The following SLIT3 variants were observed in gnomAD, a reference collection of about 807,000 sequenced individuals.
SLIT3 encodes slit homolog 3 protein.
SLIT3 carries 68 observed loss-of-function variants against 184.0 expected under a neutral mutation model. The ratio of observed to expected loss-of-function variants is 0.37; its 90% CI spans 0.30 to 0.45. SLIT3 has a LOEUF of 0.45. SLIT3 is among the 20% of genes least tolerant of loss of function. SLIT3 has a pLI of 1.00. For synonymous variants in SLIT3, 831 were observed against 828.6 expected, an observed-to-expected ratio of 1.00 and a Z score of -0.05; for missense variants, 1,707 against 2,026.0, an observed-to-expected ratio of 0.84 and a Z score of 3.02.
At chr5:168,775,598 C>T (rs1241852034) in intron 12 of SLIT3, among the ~76,000 whole-genome samples, 1 of 152,188 alleles carries the variant, frequency 6.6e-6, no homozygotes, top group Non-Finnish European at 1.5e-5. Flanking sequence ...TGGCCTTCCA[C>T]ACAGGATTAG....
chr5:169,167,199 C>CA (rs11385125), intron 4 of SLIT3, among the ~76,000 whole-genome samples: 8,367 of 146,628 alleles, frequency 0.057, 421 homozygotes, highest in African/African-American at 0.13. Flanking sequence ...CAAAACAAAA[C>CA]AAAAAAAACC....
intron 4 of SLIT3, among the ~76,000 whole-genome samples, chr5:169,019,172 C>T (rs1216316592): frequency 3.9e-5 from 6 of 152,242 alleles, no homozygotes; most frequent in Admixed American, 3.3e-4. Flanking sequence ...TGGGTCAACT[C>T]ATTCCACAAG....
At chr5:168,703,693 C>T (rs1313392863) in intron 26 of SLIT3, among the ~76,000 whole-genome samples, 1 of 152,040 alleles carries the variant, frequency 6.6e-6, no homozygotes, top group Non-Finnish European at 1.5e-5. Flanking sequence ...GTGCCTCACG[C>T]CTATAATCCC....
chr5:168,913,066 C>G (rs545210660), intron 4 of SLIT3, among the ~76,000 whole-genome samples: 27 of 152,324 alleles, frequency 1.8e-4, no homozygotes, highest in South Asian at 1.0e-3. Flanking sequence ...TTATTTTTGG[C>G]CTTTTCTCCA....
intron 4 of SLIT3, among the ~76,000 whole-genome samples, chr5:169,187,806 G>A (rs562159762): frequency 2.0e-5 from 3 of 151,766 alleles, no homozygotes; most frequent in East Asian, 1.9e-4. Context: ...AGCCCGCCTC[G>A]GCTTCCCAAA....
At chr5:168,953,662 T>TGCAGAGCCCAGTGCCTG (rs543361963) in intron 4 of SLIT3, among the ~76,000 whole-genome samples, 3 of 152,172 alleles carry the variant, frequency 2.0e-5, no homozygotes, top group Non-Finnish European at 2.9e-5. Flanking sequence ...TTACCACTGC[T>TGCAGAGCCCAGTGCCTG]GCAGAGCCCA....
intron 4 of SLIT3, among the ~76,000 whole-genome samples, chr5:169,155,859 G>A (rs770800718): frequency 1.6e-4 from 24 of 152,190 alleles, no homozygotes; most frequent in Non-Finnish European, 2.8e-4. Context: ...TCTGTTCAAC[G>A]TATGAACTGC....
intron 4 of SLIT3, among the ~76,000 whole-genome samples, chr5:169,003,649 C>T (rs539556230): frequency 2.7e-4 from 41 of 152,312 alleles, no homozygotes; most frequent in Middle Eastern, 3.4e-3. Context: ...TTTCGTCTCA[C>T]CCATGGCCTG....
intron 2 of SLIT3, among the ~76,000 whole-genome samples, chr5:169,249,090 A>C (rs1765690419): frequency 6.6e-6 from 1 of 152,230 alleles, no homozygotes; most frequent in Admixed American, 6.5e-5. Context: ...TTTTTAAAAA[A>C]GATAGTTGTC....
intron 4 of SLIT3, among the ~76,000 whole-genome samples, chr5:169,020,772 G>A (rs1019262652): frequency 6.6e-6 from 1 of 152,174 alleles, no homozygotes; most frequent in African/African-American, 2.4e-5. Context: ...AGAGAAACAC[G>A]CAGAACCAGA....
chr5:168,925,148 C>T (rs1026161110), intron 4 of SLIT3, among the ~76,000 whole-genome samples: 2 of 152,274 alleles, frequency 1.3e-5, no homozygotes, highest in Admixed American at 1.3e-4. Flanking sequence ...AGCAGGAAGT[C>T]CAACAATTTG....
intron 4 of SLIT3, among the ~76,000 whole-genome samples, chr5:169,137,386 G>A (rs893900695): frequency 6.8e-6 from 1 of 146,586 alleles, no homozygotes; most frequent in Non-Finnish European, 1.5e-5. Context: ...GGAAGCAGGG[G>A]AAGGGTATCT....
intron 20 of SLIT3, among the ~76,000 whole-genome samples, chr5:168,738,790 T>G (rs1282072851): frequency 6.6e-6 from 1 of 151,958 alleles, no homozygotes; most frequent in Non-Finnish European, 1.5e-5. Flanking sequence ...TACAAAAAAT[T>G]AGCCGGGCGC....
intron 8 of SLIT3, among the ~76,000 whole-genome samples, chr5:168,816,379 G>C (rs2113654399): frequency 6.6e-6 from 1 of 152,230 alleles, no homozygotes; most frequent in East Asian, 1.9e-4. Context: ...TAGAGACGGG[G>C]TTTCACCATG....
At chr5:169,034,912 AGTGTGT>A (rs112102059) in intron 4 of SLIT3, among the ~76,000 whole-genome samples, 5,918 of 132,318 alleles carry the variant, frequency 0.045, 213 homozygotes, top group Admixed American at 0.094. Context: ...ACGCCCAGCT[AGTGTGT>A]GTGTGTGTGT....
intron 3 of SLIT3, among the ~76,000 whole-genome samples, chr5:169,239,128 A>G (rs1221684711): frequency 6.6e-6 from 1 of 152,158 alleles, no homozygotes; most frequent in East Asian, 1.9e-4. Flanking sequence ...GTTTTTCAGC[A>G]TGTTTTTATT....
rs760095266 is a variant in SLIT3 at position 168,772,789 on chromosome 5, C to G, written c.1451G>C (p.Arg484Pro). Residue 484 changes from arginine (R) to proline (P), a missense_variant, in exon 14 of 36, where the codon CGC becomes CCC. Arg to Pro is a moderately radical substitution (Grantham distance 103, BLOSUM62 -2). This residue lies in a region of SLIT3 where 1,307 missense variants were observed against 1,511.6 expected (regional missense o/e 0.86). Transcript: ENST00000519560. ...RISQIKSKKF[R>P]CSGSEDYRSR... ...CCCCGTAACCTGATTACCTGAGCAG[C>G]GGAACTTCTTGCTCTTGATCTGGCT... 1.2e-5 allele frequency: 19 copies of G among 1,614,166 alleles called. No individual in the cohort carries two copies. The highest frequency in any genetic ancestry group is 1.6e-5 in the Non-Finnish European group (19 of 1,180,026).
At chr5:168,808,530 G>T (rs1467545051) in intron 8 of SLIT3, among the ~76,000 whole-genome samples, 1 of 152,140 alleles carries the variant, frequency 6.6e-6, no homozygotes, top group Non-Finnish European at 1.5e-5. Context: ...AGAATACACG[G>T]CACAGGGTAA....
At chr5:168,823,576 T>A (rs950383980) in intron 6 of SLIT3, among the ~76,000 whole-genome samples, 1 of 152,194 alleles carries the variant, frequency 6.6e-6, no homozygotes, top group Non-Finnish European at 1.5e-5. Flanking sequence ...CCTACCCACC[T>A]TGAGTAAGAG....
Sources: gnomAD v4.1 joint callset for allele counts (sites outside exome capture counted in the v4.1 genomes callset) on GRCh38, gnomAD v4.1.1 for gene constraint, gnomAD v4.1.1 regional missense constraint, MANE v1.5 for transcripts, NCBI Gene and HGNC (gene_info 2026-07-23, HGNC 2026-07-21) for gene names.